The following LMX1A variants were observed in gnomAD, a reference collection of about 807,000 sequenced individuals.
The protein encoded by LMX1A is LIM homeobox transcription factor 1-alpha.
In LMX1A, 15 loss-of-function variants were observed where a neutral mutation model predicts 49.1. The observed-to-expected ratio is 0.31, with a 90% CI of 0.20 to 0.47. The LOEUF is 0.47. LMX1A is among the 20% of genes least tolerant of loss of function. The pLI is 1.00. For missense variants in LMX1A, 372 were observed against 475.8 expected, an observed-to-expected ratio of 0.78 and a Z score of 2.03; for synonymous variants, 167 against 185.7, an observed-to-expected ratio of 0.90 and a Z score of 0.82.
chr1:165,251,427 A>G (rs1377772082), intron 3 of LMX1A, among the ~76,000 whole-genome samples: 10 of 152,218 alleles, frequency 6.6e-5, no homozygotes, highest in African/African-American at 2.4e-4. Context: ...TGGAAAAGGA[A>G]CTCTTGGCTG....
At chr1:165,311,792 G>T (rs759378375) in intron 3 of LMX1A, among the ~76,000 whole-genome samples, 1 of 152,220 alleles carries the variant, frequency 6.6e-6, no homozygotes. Context: ...TTTGAAGGAT[G>T]ATGGGGCAAA....
chr1:165,207,973 A>G, intron 7 of LMX1A, 90 bp downstream of exon 7: 1 of 1,081,922 alleles, frequency 9.2e-7, no homozygotes, highest in African/African-American at 1.5e-5. Flanking sequence ...GAGTCCAGAT[A>G]TGTCATCCAA....
chr1:165,293,948 T>C (rs1654547295), intron 3 of LMX1A, among the ~76,000 whole-genome samples: 1 of 152,238 alleles, frequency 6.6e-6, no homozygotes, highest in African/African-American at 2.4e-5. Flanking sequence ...GCATTCCATA[T>C]GCTGGATACT....
chr1:165,268,133 G>A (rs957876074), intron 3 of LMX1A, among the ~76,000 whole-genome samples: 4 of 152,124 alleles, frequency 2.6e-5, no homozygotes, highest in Non-Finnish European at 2.9e-5. Context: ...TGTGGAGTGA[G>A]TGTCAGCCTT....
Position 165,204,054 on chromosome 1 carries a change from G to A in LMX1A, c.989-14C>T. The A allele has an allele frequency of 1.9e-6, 3 of 1,613,486 alleles. No individual in the cohort carries two copies. The highest frequency in any genetic ancestry group is 2.2e-5 in the South Asian group (2 of 91,028). ...GGGGCTCGGCACCTGAAATGGAGAT[G>A]AAACACTGGCATGAGGGTCTTGAAG... On this transcript the variant is annotated splice_polypyrimidine_tract_variant and intron_variant, in intron 8 of 8. Coordinates refer to ENST00000342310, the MANE Select transcript of LMX1A (RefSeq NM_177398.4).
intron 5 of LMX1A, chr1:165,212,861 A>G (rs927533573): frequency 6.6e-6 from 1 of 152,218 alleles, no homozygotes; most frequent in African/African-American, 2.4e-5. Context: ...CCACAGGACT[A>G]CATTCTGGCC....
At chr1:165,312,573 C>T (rs965521708) in intron 3 of LMX1A, among the ~76,000 whole-genome samples, 3 of 152,180 alleles carry the variant, frequency 2.0e-5, no homozygotes, top group African/African-American at 7.2e-5. Flanking sequence ...ATTGTTCATG[C>T]TTGGAATCCA....
chr1:165,332,593 A>C (rs889687521), intron 3 of LMX1A, among the ~76,000 whole-genome samples: 1 of 152,206 alleles, frequency 6.6e-6, no homozygotes, highest in African/African-American at 2.4e-5. Flanking sequence ...TTCAGGATAC[A>C]ATTACAATAA....
intron 3 of LMX1A, among the ~76,000 whole-genome samples, chr1:165,311,169 A>G (rs190621889): frequency 1.8e-4 from 27 of 152,330 alleles, no homozygotes; most frequent in Admixed American, 1.8e-3. Flanking sequence ...GAAATGCCTG[A>G]CTGGAATTGG....
chr1:165,355,667 G>A lies in LMX1A; in HGVS notation c.-22-86C>T. On this transcript the variant is annotated intron_variant, in intron 1 of 8. Transcript: ENST00000342310. This position sits in a 1 kb window ranked among gnomAD's most constrained non-coding sequence, Gnocchi z 4.7. ...GCCACCGCACTCCTGGGAAAGAACT[G>A]AGGGAGTGTCCAGGGCGACCAGAAT... The A allele has an allele frequency of 9.9e-7, 1 of 1,013,898 alleles. No individual in the cohort carries two copies. The highest frequency in any genetic ancestry group is 1.5e-6 in the Non-Finnish European group (1 of 663,998). 62.8% of individuals were successfully genotyped at this position (1,013,898 alleles called of 1,614,324 possible).
chr1:165,304,494 A>T (rs1017215834), intron 3 of LMX1A, among the ~76,000 whole-genome samples: 5 of 152,236 alleles, frequency 3.3e-5, no homozygotes, highest in African/African-American at 1.2e-4. Flanking sequence ...ATACAGTCAA[A>T]GATGAAAATC....
At chr1:165,247,720 G>C (rs1038012291) in intron 4 of LMX1A, among the ~76,000 whole-genome samples, 2 of 152,152 alleles carry the variant, frequency 1.3e-5, no homozygotes, top group African/African-American at 2.4e-5. Context: ...TGAACACCAG[G>C]CTTTTTATAT....
intron 3 of LMX1A, among the ~76,000 whole-genome samples, chr1:165,325,835 A>G (rs1655561555): frequency 6.6e-6 from 1 of 152,196 alleles, no homozygotes. Flanking sequence ...AAACCTGGAA[A>G]ACACAATTAT....
intron 3 of LMX1A, among the ~76,000 whole-genome samples, chr1:165,310,009 T>G (rs1655029643): frequency 1.3e-5 from 2 of 152,240 alleles, no homozygotes; most frequent in African/African-American, 2.4e-5. Context: ...AGCTTTGTTA[T>G]CCGATGCCCT....
chr1:165,259,390 G>C (rs899914166), intron 3 of LMX1A, among the ~76,000 whole-genome samples: 1 of 152,174 alleles, frequency 6.6e-6, no homozygotes, highest in Non-Finnish European at 1.5e-5. Context: ...TCAGGAAGTT[G>C]TCAGCTCCAT....
At chr1:165,293,971 A>G (rs1654547954) in intron 3 of LMX1A, among the ~76,000 whole-genome samples, 1 of 152,222 alleles carries the variant, frequency 6.6e-6, no homozygotes, top group South Asian at 2.1e-4. Flanking sequence ...GGAAAGTACC[A>G]TATAAGAGTT....
intron 3 of LMX1A, among the ~76,000 whole-genome samples, chr1:165,256,650 A>C (rs1257294090): frequency 3.3e-5 from 5 of 152,206 alleles, no homozygotes; most frequent in Admixed American, 6.5e-5. Flanking sequence ...TTGGAAGACA[A>C]CATTTTGCTC....
At chr1:165,310,237 T>C (rs1433449191) in intron 3 of LMX1A, among the ~76,000 whole-genome samples, 2 of 152,214 alleles carry the variant, frequency 1.3e-5, no homozygotes, top group East Asian at 1.9e-4. Context: ...GGTGACAAAA[T>C]GATACTTCCT....
At chr1:165,345,390 C>G (rs1411207500) in intron 3 of LMX1A, among the ~76,000 whole-genome samples, 1 of 152,156 alleles carries the variant, frequency 6.6e-6, no homozygotes, top group Non-Finnish European at 1.5e-5. Flanking sequence ...GTGTGATGTT[C>G]AGAGAAGCAG....
Sources: allele counts gnomAD v4.1 joint callset (sites outside exome capture counted in the v4.1 genomes callset), GRCh38; gene constraint gnomAD v4.1.1; non-coding constraint Gnocchi (gnomAD v3.1); transcripts MANE v1.5; gene names NCBI Gene and HGNC (gene_info 2026-07-23, HGNC 2026-07-21).